Variants in MSH3 observed in about 807,000 individuals in gnomAD.
MSH3 encodes mutS homolog 3, also known as DNA mismatch repair protein Msh3.
MSH3 carries 106 observed loss-of-function variants against 123.3 expected under a neutral mutation model. That is an observed-to-expected ratio of 0.86 (90% CI 0.73 to 1.01). The LOEUF is 1.01. Among genes scored for constraint, MSH3 ranks in the 50% least tolerant of loss-of-function variants. MSH3 has a pLI of 0.00. For missense variants in MSH3, 1,459 were observed against 1,347.6 expected, an observed-to-expected ratio of 1.08 and a Z score of -1.29; for synonymous variants, 515 against 481.4, an observed-to-expected ratio of 1.07 and a Z score of -0.91.
chr5:80,799,741 C>A (rs1259463235), intron 19 of MSH3, among the ~76,000 whole-genome samples: 1 of 152,002 alleles, frequency 6.6e-6, no homozygotes, highest in Non-Finnish European at 1.5e-5. Flanking sequence ...CCCATTGAGA[C>A]ATGTCAGAGG....
chr5:80,862,604 C>T (rs1305520825), intron 21 of MSH3, among the ~76,000 whole-genome samples: 1 of 151,794 alleles, frequency 6.6e-6, no homozygotes, highest in Non-Finnish European at 1.5e-5. Flanking sequence ...AAAATAAAAA[C>T]AAAAAATTAG....
chr5:80,663,192 A>G (rs574821650), intron 2 of MSH3, among the ~76,000 whole-genome samples: 1 of 152,262 alleles, frequency 6.6e-6, no homozygotes, highest in East Asian at 1.9e-4. Flanking sequence ...AAGAAAATGT[A>G]TTGTTTTGAA....
intron 8 of MSH3, among the ~76,000 whole-genome samples, chr5:80,705,152 C>A (rs370479894): frequency 2.0e-5 from 3 of 152,314 alleles, no homozygotes; most frequent in African/African-American, 7.2e-5. Flanking sequence ...ATTTCTCTAC[C>A]ATTCTTAAGC....
At chr5:80,857,226 C>G (rs1561501071) in intron 21 of MSH3, among the ~76,000 whole-genome samples, 1 of 152,130 alleles carries the variant, frequency 6.6e-6, no homozygotes, top group Non-Finnish European at 1.5e-5. Context: ...TTGAATGAGT[C>G]TTACACACTT....
chr5:80,825,298 T>C (rs1461773853), intron 20 of MSH3, among the ~76,000 whole-genome samples: 1 of 152,208 alleles, frequency 6.6e-6, no homozygotes, highest in Non-Finnish European at 1.5e-5. Flanking sequence ...TCACTGATGT[T>C]TTTTGAAACA....
chr5:80,810,244 A>G (rs1744986805), intron 19 of MSH3, among the ~76,000 whole-genome samples: 1 of 147,030 alleles, frequency 6.8e-6, no homozygotes. Flanking sequence ...AAGGTACATT[A>G]ATGTCTCACT....
At chr5:80,857,656 A>G (rs1745941620) in intron 21 of MSH3, among the ~76,000 whole-genome samples, 1 of 152,198 alleles carries the variant, frequency 6.6e-6, no homozygotes, top group African/African-American at 2.4e-5. Context: ...ATTTTCACCA[A>G]GGTTACCAGA....
At chr5:80,793,909 G>A (rs371664930) in intron 19 of MSH3, among the ~76,000 whole-genome samples, 27 of 152,294 alleles carry the variant, frequency 1.8e-4, no homozygotes, top group East Asian at 5.8e-4. Flanking sequence ...ATCTTATTCA[G>A]TAATACTCCT....
At position 80,744,586 on chromosome 5, in the gene MSH3, G is replaced by C. The variant is rs1580599441; in HGVS notation, c.1734G>C (p.Lys578Asn). The change falls in exon 12 of 24, where the codon AAG (lysine) becomes AAC (asparagine). Residue 578 changes from lysine (K) to asparagine (N), a missense_variant. Transcript: ENST00000265081. Reference sequence around the variant, plus strand: ...CATTTGGGAGACGGAAGTTAAAGAAGTGGGTGACCCAGCCACTCCTTAAAT... The same window carrying C: ...CATTTGGGAGACGGAAGTTAAAGAACTGGGTGACCCAGCCACTCCTTAAAT... ...KTSFGRRKLK[K>N]WVTQPLLKLR... is the part of the protein sequence containing the mutation. The C allele has an allele frequency of 6.2e-7, 1 of 1,613,588 alleles. No individual in the cohort carries two copies. The highest frequency in any genetic ancestry group is 8.5e-7 in the Non-Finnish European group (1 of 1,179,696).
intron 2 of MSH3, among the ~76,000 whole-genome samples, chr5:80,659,615 T>C (rs1461037933): frequency 6.6e-6 from 1 of 152,234 alleles, no homozygotes; most frequent in Admixed American, 6.5e-5. Flanking sequence ...ATTTTCTTTA[T>C]TGTGGTAAAA....
chr5:80,817,553 A>G (rs997227898), intron 20 of MSH3, among the ~76,000 whole-genome samples: 6 of 152,184 alleles, frequency 3.9e-5, no homozygotes, highest in South Asian at 4.1e-4. Flanking sequence ...CCAAGAATTT[A>G]TTATTCTAAA....
chr5:80,748,719 CA>C lies in MSH3; in HGVS notation c.1763+4105del, dbSNP rs879765585. ...ACACACACACACACACACACACACA[CA>C]CACACACACACACCCATATGTATGT... is the stretch of plus-strand genomic sequence containing the variant. On this transcript the variant is annotated intron_variant, in intron 12 of 23. Coordinates refer to ENST00000265081, the MANE Select transcript of MSH3 (RefSeq NM_002439.5). 1.0e-3 allele frequency among the ~76,000 whole-genome samples: 151 copies of C among 151,482 alleles called. No individual in the cohort carries two copies. In the Middle Eastern group the frequency reaches 0.031, roughly 31 times the overall value.
rs371690056 is a variant in MSH3 at position 80,854,326 on chromosome 5, C to T, written c.3000+10C>T. The T allele has an allele frequency of 2.4e-5, 38 of 1,606,870 alleles. No individual in the cohort carries two copies. The African/African-American group carries it at 3.3e-4, about 14-fold the overall frequency. ...GTATTTCATCAGAGATGTAAGTATCCGGTAAACTGTATTTAAAAAGAAATT... is the reference window on the plus strand; with the variant it reads ...GTATTTCATCAGAGATGTAAGTATCTGGTAAACTGTATTTAAAAAGAAATT... On this transcript the variant is annotated intron_variant, in intron 21 of 23. Coordinates refer to ENST00000265081, the MANE Select transcript of MSH3 (RefSeq NM_002439.5).
At chr5:80,655,361 C>G (rs553206239) in intron 1 of MSH3, 3 of 236,438 alleles carry the variant, frequency 1.3e-5, no homozygotes, top group African/African-American at 6.6e-5. Context: ...TAGAAGAAAG[C>G]TGCCCTTAGG....
chr5:80,824,703 C>G (rs1745263228), intron 20 of MSH3, among the ~76,000 whole-genome samples: 1 of 152,200 alleles, frequency 6.6e-6, no homozygotes, highest in East Asian at 1.9e-4. Flanking sequence ...TAACATTTCA[C>G]AAGTCTACAA....
chr5:80,665,869 G>T (rs1487134281), intron 3 of MSH3, among the ~76,000 whole-genome samples: 1 of 152,120 alleles, frequency 6.6e-6, no homozygotes, highest in South Asian at 2.1e-4. Flanking sequence ...CAGAATCAGG[G>T]AATTTAACTC....
intron 8 of MSH3, among the ~76,000 whole-genome samples, chr5:80,685,722 G>C (rs1750073135): frequency 1.3e-5 from 2 of 151,612 alleles, no homozygotes; most frequent in South Asian, 2.1e-4. Flanking sequence ...TGCTTTTCTA[G>C]TTCTTCAAGG....
chr5:80,873,823 G>C (rs1044116015), intron 23 of MSH3, among the ~76,000 whole-genome samples: 1 of 152,070 alleles, frequency 6.6e-6, no homozygotes, highest in African/African-American at 2.4e-5. Flanking sequence ...CCACCTTTAC[G>C]CTTGCTATCC....
chr5:80,692,394 ATAT>A, intron 8 of MSH3, among the ~76,000 whole-genome samples: 1 of 32,134 alleles, frequency 3.1e-5, no homozygotes, highest in Non-Finnish European at 5.2e-5. Flanking sequence ...ATAAACATGT[ATAT>A]GTTTAGATAG....
Sources: gnomAD v4.1 joint callset for allele counts (sites outside exome capture counted in the v4.1 genomes callset) on GRCh38, gnomAD v4.1.1 for gene constraint, MANE v1.5 for transcripts, NCBI Gene and HGNC (gene_info 2026-07-23, HGNC 2026-07-21) for gene names.